HS6ST3: variants seen among roughly 807,000 people sequenced by gnomAD.
HS6ST3 encodes the protein heparan sulfate 6-O-sulfotransferase 3, also known as heparan-sulfate 6-O-sulfotransferase 3.
A neutral mutation model predicts 36.7 loss-of-function variants in HS6ST3; 12 were observed. The ratio of observed to expected loss-of-function variants is 0.33; its 90% CI spans 0.21 to 0.53. The LOEUF (loss-of-function observed/expected upper bound fraction) is 0.53. Among genes scored for constraint, HS6ST3 ranks in the 20% least tolerant of loss-of-function variants. The pLI is 0.95. For missense variants in HS6ST3, 584 were observed against 640.9 expected, an observed-to-expected ratio of 0.91 and a Z score of 0.96; for synonymous variants, 240 against 257.5, an observed-to-expected ratio of 0.93 and a Z score of 0.65.
At chr13:96,732,513 T>C (rs1876182246) in intron 1 of HS6ST3, among the ~76,000 whole-genome samples, 1 of 152,138 alleles carries the variant, frequency 6.6e-6, no homozygotes, top group Non-Finnish European at 1.5e-5. Flanking sequence ...CTGTGTGTCT[T>C]TTTTTAATGA....
intron 1 of HS6ST3, among the ~76,000 whole-genome samples, chr13:96,719,481 C>T (rs950526586): frequency 7.2e-5 from 11 of 152,006 alleles, no homozygotes; most frequent in Admixed American, 3.9e-4. Context: ...ATAATCTCAT[C>T]AGCATTCTTT....
At chr13:96,680,774 T>C (rs1244523634) in intron 1 of HS6ST3, among the ~76,000 whole-genome samples, 1 of 152,192 alleles carries the variant, frequency 6.6e-6, no homozygotes, top group African/African-American at 2.4e-5. Flanking sequence ...TCAGGAATAT[T>C]TAAATTTCCA....
At chr13:96,498,030 G>A (rs1459215426) in intron 1 of HS6ST3, among the ~76,000 whole-genome samples, 1 of 152,176 alleles carries the variant, frequency 6.6e-6, no homozygotes, top group African/African-American at 2.4e-5. Context: ...TAGGGGAAAG[G>A]AAGATGAGGG....
intron 1 of HS6ST3, among the ~76,000 whole-genome samples, chr13:96,653,317 G>A (rs1227967642): frequency 6.6e-6 from 1 of 151,836 alleles, no homozygotes; most frequent in East Asian, 1.9e-4. Context: ...TTATCAACCC[G>A]TCATCTACAT....
chr13:96,460,646 G>T (rs2055779511), intron 1 of HS6ST3, among the ~76,000 whole-genome samples: 1 of 152,156 alleles, frequency 6.6e-6, no homozygotes, highest in Admixed American at 6.5e-5. Context: ...ATGTGCATTG[G>T]TATTGATTTT....
At chr13:96,619,695 A>C (rs1011237925) in intron 1 of HS6ST3, among the ~76,000 whole-genome samples, 14 of 152,260 alleles carry the variant, frequency 9.2e-5, no homozygotes, top group African/African-American at 3.4e-4. Flanking sequence ...GCTATAAATC[A>C]GATTTTATTG....
chr13:96,581,697 G>A (rs1052268183), intron 1 of HS6ST3, among the ~76,000 whole-genome samples: 1 of 152,156 alleles, frequency 6.6e-6, no homozygotes, highest in African/African-American at 2.4e-5. Flanking sequence ...AATGAACAAT[G>A]TTGATACAAA....
intron 1 of HS6ST3, among the ~76,000 whole-genome samples, chr13:96,476,454 C>T (rs1566371934): frequency 6.6e-6 from 1 of 152,124 alleles, no homozygotes; most frequent in Non-Finnish European, 1.5e-5. Flanking sequence ...CCTCCGCCTC[C>T]CAGGTTCAAG....
At chr13:96,755,959 C>T (rs562817029) in intron 1 of HS6ST3, among the ~76,000 whole-genome samples, 1 of 152,252 alleles carries the variant, frequency 6.6e-6, no homozygotes, top group Admixed American at 6.5e-5. Flanking sequence ...TGTGTGCGTA[C>T]CATTTGCTTC....
At chr13:96,546,561 A>G (rs1022059194) in intron 1 of HS6ST3, among the ~76,000 whole-genome samples, 1 of 152,198 alleles carries the variant, frequency 6.6e-6, no homozygotes, top group African/African-American at 2.4e-5. Context: ...GAGATGAAAT[A>G]GCTTTACAAT....
At chr13:96,336,874 C>A (rs1389648192) in intron 1 of HS6ST3, among the ~76,000 whole-genome samples, 1 of 152,140 alleles carries the variant, frequency 6.6e-6, no homozygotes, top group Non-Finnish European at 1.5e-5. Flanking sequence ...TATTATAAAA[C>A]TATTACAGGT....
intron 1 of HS6ST3, among the ~76,000 whole-genome samples, chr13:96,690,339 A>T (rs531464389): frequency 3.3e-5 from 5 of 152,262 alleles, no homozygotes; most frequent in African/African-American, 1.2e-4. Context: ...TGTGTGACTT[A>T]CTATTCAAAA....
At chr13:96,343,030 T>C (rs2139426792) in intron 1 of HS6ST3, among the ~76,000 whole-genome samples, 1 of 152,364 alleles carries the variant, frequency 6.6e-6, no homozygotes, top group East Asian at 1.9e-4. Flanking sequence ...AAACTAGCTG[T>C]GGTGTCATGG....
intron 1 of HS6ST3, among the ~76,000 whole-genome samples, chr13:96,448,560 CA>C (rs5805969): frequency 0.68 from 103,835 of 151,938 alleles, 37,263 homozygotes; most frequent in African/African-American, 0.91. Context: ...AATAAATACT[CA>C]AAATAATGGT....
At chr13:96,547,779 G>C (rs1432866865) in intron 1 of HS6ST3, among the ~76,000 whole-genome samples, 5 of 152,074 alleles carry the variant, frequency 3.3e-5, no homozygotes, top group African/African-American at 1.2e-4. Context: ...GCTACGATGG[G>C]GAAGGTTCCA....
intron 1 of HS6ST3, among the ~76,000 whole-genome samples, chr13:96,313,644 T>A (rs2054952849): frequency 6.6e-6 from 1 of 152,198 alleles, no homozygotes; most frequent in African/African-American, 2.4e-5. Context: ...ATGTCCCCCA[T>A]GATAGCCTCA....
chr13:96,164,591 A>C (rs752583887), intron 1 of HS6ST3, among the ~76,000 whole-genome samples: 3 of 151,726 alleles, frequency 2.0e-5, no homozygotes, highest in African/African-American at 7.3e-5. Context: ...TTTTACATTT[A>C]TTTCTTTTTA....
At chr13:96,127,534 C>T (rs951616635) in intron 1 of HS6ST3, among the ~76,000 whole-genome samples, 7 of 152,176 alleles carry the variant, frequency 4.6e-5, no homozygotes, top group East Asian at 1.9e-4. Flanking sequence ...TCCTAACAGG[C>T]GACGGACTGG....
chr13:96,152,893 CTGCT>C (rs2054093503), intron 1 of HS6ST3, among the ~76,000 whole-genome samples: 3 of 152,144 alleles, frequency 2.0e-5, no homozygotes, highest in African/African-American at 7.2e-5. Flanking sequence ...TCTAGCCTGA[CTGCT>C]TGTGATTTTC....
Sources: gnomAD v4.1 joint callset for allele counts (sites outside exome capture counted in the v4.1 genomes callset) on GRCh38, gnomAD v4.1.1 for gene constraint, MANE v1.5 for transcripts, NCBI Gene and HGNC (gene_info 2026-07-23, HGNC 2026-07-21) for gene names.